Variants in OPA1 observed in about 807,000 individuals in gnomAD.
OPA1 encodes the protein dynamin-like GTPase OPA1, mitochondrial.
In OPA1, 59 loss-of-function variants were observed where a neutral mutation model predicts 152.9. That is an observed-to-expected ratio of 0.39 (90% CI 0.31 to 0.48). The LOEUF is 0.48. OPA1 is among the 20% of genes least tolerant of loss of function. OPA1 has a pLI of 0.96. For missense variants in OPA1, 1,008 were observed against 1,216.8 expected (o/e 0.83, Z 2.55); for synonymous variants, 400 against 389.9 (o/e 1.03, Z -0.31).
intron 1 of OPA1, 71 bp from the exon 2 acceptor site, chr3:193,614,652 G>T: frequency 8.8e-7 from 1 of 1,135,066 alleles, no homozygotes; most frequent in South Asian, 1.2e-5. Flanking sequence ...TTAGTATATT[G>T]CTCTTTTAAT....
chr3:193,654,034 G>A (rs983331149), intron 21 of OPA1, among the ~76,000 whole-genome samples: 1 of 151,976 alleles, frequency 6.6e-6, no homozygotes, highest in Admixed American at 6.6e-5. Flanking sequence ...CCACTCTTAG[G>A]TATTTACCTA....
At chr3:193,673,509 T>C (rs1181451328) in intron 29 of OPA1, among the ~76,000 whole-genome samples, 1 of 152,224 alleles carries the variant, frequency 6.6e-6, no homozygotes, top group African/African-American at 2.4e-5. Flanking sequence ...GATTCCACCA[T>C]GCGTAAGTAG....
In OPA1 at chr3:193,657,124, A is replaced by G; in HGVS notation, c.2223A>G (p.Thr741=). ...TLQEEFSRFM[T]EPKGKEHDDI... is the part of the protein sequence containing the mutation. ...AAGAAGAATTTTCCCGCTTTATGAC[A>G]GAACCGAAAGGGAAAGAGCATGATG... is the stretch of plus-strand genomic sequence containing the variant. Residue 741 remains threonine (T), a synonymous_variant, in exon 23 of 31, where the codon ACA becomes ACG. Coordinates refer to ENST00000361510, the MANE Select transcript of OPA1 (RefSeq NM_130837.3). 6.2e-7 allele frequency: 1 copy of G among 1,614,014 alleles called. No homozygotes were observed. The highest frequency in any genetic ancestry group is 8.5e-7 in the Non-Finnish European group (1 of 1,179,948).
At position 193,637,945 on chromosome 3, in the gene OPA1, T is replaced by C; in HGVS notation, c.1036-7T>C. On this transcript the variant is annotated splice_polypyrimidine_tract_variant and splice_region_variant and intron_variant, in intron 10 of 30. Transcript: ENST00000361510. ...ATATGAATAAGTGTTCTTTGTTTTG[T>C]GGGAAGGTTGTTGTGGTTGGAGATC... 3 of 1,606,814 alleles carry C rather than the reference T, an allele frequency of 1.9e-6. No homozygotes were observed. Among genetic ancestry groups the C allele is most frequent in the Non-Finnish European group, 2.6e-6 (3 of 1,173,402 alleles).
chr3:193,622,226 C>CTTT (rs758993120), intron 6 of OPA1, among the ~76,000 whole-genome samples: 8,912 of 107,700 alleles, frequency 0.083, 953 homozygotes, highest in African/African-American at 0.14. Context: ...TACTCTCATT[C>CTTT]TTTTTTTTTT....
chr3:193,599,875 G>A (rs1263625282), intron 1 of OPA1, among the ~76,000 whole-genome samples: 1 of 152,190 alleles, frequency 6.6e-6, no homozygotes, highest in African/African-American at 2.4e-5. Context: ...TTTATAGACA[G>A]AAAAGGTAAA....
intron 29 of OPA1, among the ~76,000 whole-genome samples, chr3:193,672,262 A>T (rs1402265654): frequency 6.6e-6 from 1 of 152,210 alleles, no homozygotes; most frequent in Non-Finnish European, 1.5e-5. Flanking sequence ...GATTGTCATC[A>T]TAAGTGCAAT....
intron 29 of OPA1, among the ~76,000 whole-genome samples, chr3:193,685,861 T>C (rs1194469874): frequency 6.6e-6 from 1 of 152,232 alleles, no homozygotes; most frequent in Admixed American, 6.5e-5. Flanking sequence ...TGAATTCTCC[T>C]GGACAGATTC....
intron 21 of OPA1, among the ~76,000 whole-genome samples, chr3:193,650,699 G>A (rs1297031705): frequency 1.3e-5 from 2 of 152,044 alleles, no homozygotes; most frequent in African/African-American, 4.8e-5. Context: ...AGGTTATTAG[G>A]GGTATAGATT....
At chr3:193,670,237 G>A (rs1717601311) in intron 29 of OPA1, among the ~76,000 whole-genome samples, 1 of 152,194 alleles carries the variant, frequency 6.6e-6, no homozygotes, top group Admixed American at 6.5e-5. Flanking sequence ...ATTGGATTTG[G>A]AGAAAGGGAG....
chr3:193,643,347 GTTTTAT>G lies in OPA1; in HGVS notation c.1306-15_1306-10del. ...CAAATTCCCCCCAAACTTTAGCATT[GTTTTAT>G]TTTTATTTTTCCTGAGTAGACCATA... On this transcript the variant is annotated intron_variant, in intron 13 of 30. Coordinates refer to ENST00000361510, the MANE Select transcript of OPA1 (RefSeq NM_130837.3). The G allele has an allele frequency of 6.4e-7, 1 of 1,563,658 alleles. No individual in the cohort carries two copies. Among genetic ancestry groups the G allele is most frequent in the Middle Eastern group, 1.7e-4 (1 of 5,938 alleles).
intron 29 of OPA1, among the ~76,000 whole-genome samples, chr3:193,691,138 C>G (rs1320630183): frequency 3.3e-5 from 5 of 152,186 alleles, no homozygotes; most frequent in Non-Finnish European, 1.5e-5. Context: ...GGAGGATCAC[C>G]TGAGCTCAGG....
intron 29 of OPA1, among the ~76,000 whole-genome samples, chr3:193,686,916 T>C (rs1721009428): frequency 6.6e-6 from 1 of 152,142 alleles, no homozygotes; most frequent in African/African-American, 2.4e-5. Flanking sequence ...GTTGGCAGCT[T>C]GCTTTCTTTA....
At chr3:193,594,362 A>G (rs1725165291) in intron 1 of OPA1, among the ~76,000 whole-genome samples, 1 of 152,170 alleles carries the variant, frequency 6.6e-6, no homozygotes, top group Non-Finnish European at 1.5e-5. Context: ...TATCGTGTTT[A>G]TAAGGAATGG....
chr3:193,626,788 G>A (rs1453008053), intron 7 of OPA1, among the ~76,000 whole-genome samples: 5 of 152,108 alleles, frequency 3.3e-5, no homozygotes, highest in Admixed American at 1.3e-4. Context: ...CTTGGACCAC[G>A]GAGGGTTTGA....
intron 29 of OPA1, among the ~76,000 whole-genome samples, chr3:193,677,291 C>CTTTTTTTTTTTTTTTTTT (rs752472474): frequency 2.4e-5 from 3 of 125,450 alleles, no homozygotes; most frequent in Non-Finnish European, 3.3e-5. Flanking sequence ...TCTTTTACTT[C>CTTTTTTTTTTTTTTTTTT]TTTTTTTTTT....
At chr3:193,641,352 A>G (rs2109030783) in intron 11 of OPA1, among the ~76,000 whole-genome samples, 1 of 152,266 alleles carries the variant, frequency 6.6e-6, no homozygotes, top group South Asian at 2.1e-4. Context: ...GAGCAGTGAA[A>G]GTGCCAAAAC....
intron 29 of OPA1, among the ~76,000 whole-genome samples, chr3:193,691,064 A>G (rs1048824097): frequency 6.6e-6 from 1 of 152,086 alleles, no homozygotes; most frequent in African/African-American, 2.4e-5. Context: ...AAAATTAAAA[A>G]TAAAAACTTA....
At chr3:193,629,403 A>T (rs1033405514) in intron 7 of OPA1, among the ~76,000 whole-genome samples, 8 of 152,090 alleles carry the variant, frequency 5.3e-5, no homozygotes, top group African/African-American at 1.7e-4. Flanking sequence ...TCTAGCATAT[A>T]AATTATATTT....
Sources: allele counts gnomAD v4.1 joint callset (sites outside exome capture counted in the v4.1 genomes callset), GRCh38; gene constraint gnomAD v4.1.1; transcripts MANE v1.5; gene names NCBI Gene and HGNC (gene_info 2026-07-23, HGNC 2026-07-21).